The following MYLK4 variants were observed in gnomAD, a reference collection of about 807,000 sequenced individuals.
MYLK4 encodes caMLCK like.
In MYLK4, 46 loss-of-function variants were observed where a neutral mutation model predicts 48.1. The observed-to-expected ratio is 0.96, with a 90% CI of 0.75 to 1.22. The LOEUF (loss-of-function observed/expected upper bound fraction) is 1.22. Among genes scored for constraint, MYLK4 ranks in the 50% most tolerant of loss-of-function variants. The probability of loss-of-function intolerance (pLI) is 0.00; values close to 1 mark genes in which losing one functional copy is unlikely to be tolerated. For synonymous variants in MYLK4, 170 were observed against 180.8 expected (o/e 0.94, Z 0.48); for missense variants, 451 against 486.1 (o/e 0.93, Z 0.68).
At chr6:2,734,180 A>G (rs528571888) in intron 2 of MYLK4, among the ~76,000 whole-genome samples, 1 of 152,350 alleles carries the variant, frequency 6.6e-6, no homozygotes, top group African/African-American at 2.4e-5. Context: ...GGCACCTGCC[A>G]GAAGCAACTC....
chr6:2,744,249 C>A (rs1763995432), intron 2 of MYLK4: 1 of 370,318 alleles, frequency 2.7e-6, no homozygotes. Context: ...AATACGATGG[C>A]CTTGTGTGAC....
rs191480532 is a variant in MYLK4, at chr6:2,726,695, C to T, written c.159+22441G>A. Among the ~76,000 whole-genome samples, 13 of 150,514 alleles carry T rather than the reference C, an allele frequency of 8.6e-5. No homozygotes were observed. The East Asian group carries it at 2.2e-3, about 25-fold the overall frequency. Reference sequence around the variant, plus strand: ...TGGCGGGATTTCGGCTCACTGCAACCTCTGCCTCCCGGCTTCCAGCAATTC... The same window carrying T: ...TGGCGGGATTTCGGCTCACTGCAACTTCTGCCTCCCGGCTTCCAGCAATTC... On this transcript the variant is annotated intron_variant, in intron 2 of 12. Coordinates refer to ENST00000274643, the MANE Select transcript of MYLK4 (RefSeq NM_001012418.5).
intron 2 of MYLK4, among the ~76,000 whole-genome samples, chr6:2,698,333 C>T (rs989911206): frequency 2.0e-5 from 3 of 152,174 alleles, no homozygotes; most frequent in African/African-American, 4.8e-5. Context: ...CAGCTCTGAA[C>T]GTATCACCCA....
chr6:2,668,287 T>G (rs949003233), intron 12 of MYLK4, among the ~76,000 whole-genome samples: 3 of 152,128 alleles, frequency 2.0e-5, no homozygotes, highest in Non-Finnish European at 2.9e-5. Flanking sequence ...AGCATCAAAG[T>G]GAGAATGTGG....
chr6:2,726,757 C>T (rs1037509804), intron 2 of MYLK4, among the ~76,000 whole-genome samples: 6 of 151,924 alleles, frequency 3.9e-5, no homozygotes, highest in African/African-American at 1.2e-4. Context: ...GGATTACAGG[C>T]GCCCGCCACC....
At chr6:2,768,738 A>G in the MYLK4 span, 6 of 1,613,834 alleles carry the variant, frequency 3.7e-6, no homozygotes, top group Middle Eastern at 1.7e-4. Context: ...AACATAGCAT[A>G]AGGTTTGTGA....
chr6:2,679,925 T>C lies in MYLK4; in HGVS notation c.758+296A>G, dbSNP rs78263911. ...TTAAAGTAAATCTTCTCTGTACAGA[T>C]GGATCAAATATGAAAGAGGGGACAA... On this transcript the variant is annotated intron_variant, in intron 8 of 12. Transcript: ENST00000274643. 2.4e-3 allele frequency among the ~76,000 whole-genome samples: 373 copies of C among 152,336 alleles called. 1 individual carries two copies. Among genetic ancestry groups the C allele is most frequent in the African/African-American group, 8.5e-3 (355 of 41,572 alleles).
chr6:2,698,138 T>C (rs902631409), intron 2 of MYLK4, among the ~76,000 whole-genome samples: 5 of 152,252 alleles, frequency 3.3e-5, no homozygotes, highest in Non-Finnish European at 5.9e-5. Context: ...TTCCTGGTTC[T>C]TTTTAAAACT....
chr6:2,765,734 C>T, the MYLK4 span: 1 of 1,528,296 alleles, frequency 6.5e-7, no homozygotes, highest in South Asian at 1.2e-5. Flanking sequence ...GCACCTGGAC[C>T]GCTGTCTGCT....
At chr6:2,706,877 T>C (rs1762507200) in intron 2 of MYLK4, among the ~76,000 whole-genome samples, 2 of 152,332 alleles carry the variant, frequency 1.3e-5, no homozygotes, top group Non-Finnish European at 2.9e-5. Context: ...TGATCACAGA[T>C]GGAAAGCTCA....
At chr6:2,706,541 T>A (rs531961214) in intron 2 of MYLK4, among the ~76,000 whole-genome samples, 11 of 152,356 alleles carry the variant, frequency 7.2e-5, no homozygotes, top group East Asian at 1.9e-4. Context: ...AAGCTTTTTT[T>A]AATATAGATA....
At chr6:2,674,518 T>C (rs1166107011) in intron 11 of MYLK4, among the ~76,000 whole-genome samples, 1 of 152,218 alleles carries the variant, frequency 6.6e-6, no homozygotes, top group Non-Finnish European at 1.5e-5. Context: ...TAATAAACAG[T>C]TATGCTGAAA....
intron 2 of MYLK4, among the ~76,000 whole-genome samples, chr6:2,723,219 G>A (rs992636638): frequency 6.6e-6 from 1 of 152,176 alleles, no homozygotes; most frequent in Non-Finnish European, 1.5e-5. Context: ...CTTGAGCCTG[G>A]GAAGTCAAGG....
At chr6:2,765,556 T>C in the MYLK4 span, 2 of 1,377,958 alleles carry the variant, frequency 1.5e-6, no homozygotes, top group Non-Finnish European at 1.9e-6. Context: ...GCGGAGGGCA[T>C]CGAAGGCCTC....
the MYLK4 span, among the ~76,000 whole-genome samples, chr6:2,764,595 T>C: frequency 4.2e-3 from 632 of 152,270 alleles, 3 homozygotes; most frequent in African/African-American, 0.014. Context: ...CATTCAAAGA[T>C]GCAGACTACC....
At chr6:2,697,056 C>T (rs1762088249) in intron 2 of MYLK4, among the ~76,000 whole-genome samples, 1 of 152,016 alleles carries the variant, frequency 6.6e-6, no homozygotes, top group South Asian at 2.1e-4. Context: ...GAGACTCCGT[C>T]TCAAAAATAA....
At chr6:2,761,947 C>T in the MYLK4 span, among the ~76,000 whole-genome samples, 1 of 152,156 alleles carries the variant, frequency 6.6e-6, no homozygotes, top group African/African-American at 2.4e-5. Flanking sequence ...GATTCTCGCT[C>T]TGTCGCCAGG....
intron 2 of MYLK4, among the ~76,000 whole-genome samples, chr6:2,712,808 C>T (rs1241177406): frequency 6.6e-6 from 1 of 152,146 alleles, no homozygotes; most frequent in African/African-American, 2.4e-5. Context: ...TGCTTCAAAC[C>T]CTGAAAAGTC....
rs1761370346 is a variant in MYLK4 at position 2,683,020 on chromosome 6, C to T, written c.687+1G>A. On this transcript the variant is annotated splice_donor_variant, in intron 7 of 12. Transcript: ENST00000274643. LOFTEE classifies it high-confidence loss of function. ...TCTCACAGGATACAAAACACCCTTA[C>T]CTTCAGGTCCAAGTGGAGAATGTAC... 6.2e-7 allele frequency: 1 copy of T among 1,614,068 alleles called. No homozygotes were observed.
Sources: gnomAD v4.1 joint callset for allele counts (sites outside exome capture counted in the v4.1 genomes callset) on GRCh38, gnomAD v4.1.1 for gene constraint, MANE v1.5 for transcripts, NCBI Gene and HGNC (gene_info 2026-07-23, HGNC 2026-07-21) for gene names.